Variants in SLC22A23 observed in about 807,000 individuals in gnomAD.
The protein encoded by SLC22A23 is ion transporter protein.
In SLC22A23, 26 loss-of-function variants were observed where a neutral mutation model predicts 61.0. That is an observed-to-expected ratio of 0.43 (90% CI 0.31 to 0.59). The LOEUF (loss-of-function observed/expected upper bound fraction) is 0.59, where lower values mean the gene tolerates loss of function less well. Ranked by LOEUF, SLC22A23 falls within the 20% of genes least tolerant of loss-of-function variation. SLC22A23 has a pLI of 0.11. For missense variants in SLC22A23, 796 were observed against 934.7 expected, an observed-to-expected ratio of 0.85 and a Z score of 1.94; for synonymous variants, 430 against 413.9, an observed-to-expected ratio of 1.04 and a Z score of -0.47.
chr6:3,358,559 C>G (rs532585739), intron 3 of SLC22A23, among the ~76,000 whole-genome samples: 1 of 151,772 alleles, frequency 6.6e-6, no homozygotes, highest in Non-Finnish European at 1.5e-5. Context: ...TGATGGTTGC[C>G]GGGGGTAGAG....
At chr6:3,455,386 C>CA (rs1772345862) in intron 1 of SLC22A23, among the ~76,000 whole-genome samples, 1 of 152,214 alleles carries the variant, frequency 6.6e-6, no homozygotes, top group Non-Finnish European at 1.5e-5. Context: ...AGCCTAAAGT[C>CA]AGATATCTTT....
intron 9 of SLC22A23, chr6:3,283,534 A>C: frequency 5.6e-6 from 2 of 357,906 alleles, no homozygotes; most frequent in Non-Finnish European, 1.1e-5. Context: ...TTCTGGTGGA[A>C]GTGCGGCATA....
At chr6:3,313,016 C>T (rs1040714518) in intron 4 of SLC22A23, 16 of 152,174 alleles carry the variant, frequency 1.1e-4, no homozygotes, top group African/African-American at 3.6e-4. Context: ...AAGGCTGGCC[C>T]CCGGGACAGC....
At chr6:3,392,379 T>G (rs998547172) in intron 3 of SLC22A23, among the ~76,000 whole-genome samples, 1 of 152,232 alleles carries the variant, frequency 6.6e-6, no homozygotes, top group East Asian at 1.9e-4. Context: ...AAATCCCTGT[T>G]GTTCTGGTTT....
At chr6:3,283,393 T>C (rs1308597351) in intron 9 of SLC22A23, 1 of 228,832 alleles carries the variant, frequency 4.4e-6, no homozygotes, top group African/African-American at 2.3e-5. Context: ...GATCATGCCA[T>C]TGTACTCCAG....
chr6:3,374,353 T>G (rs2127466682), intron 3 of SLC22A23, among the ~76,000 whole-genome samples: 1 of 152,252 alleles, frequency 6.6e-6, no homozygotes, highest in African/African-American at 2.4e-5. Context: ...GAATAACCAC[T>G]GGGGACTGGG....
At chr6:3,359,744 C>G (rs1765320729) in intron 3 of SLC22A23, among the ~76,000 whole-genome samples, 1 of 152,150 alleles carries the variant, frequency 6.6e-6, no homozygotes, top group African/African-American at 2.4e-5. Flanking sequence ...ATGATATTTG[C>G]ACACCTATGT....
intron 6 of SLC22A23, among the ~76,000 whole-genome samples, chr6:3,289,278 G>A (rs1760341675): frequency 6.6e-6 from 1 of 152,240 alleles, no homozygotes; most frequent in Admixed American, 6.5e-5. Flanking sequence ...GAGGGCCCTG[G>A]GAGGAGGTCT....
In SLC22A23 at chr6:3,360,216, C is replaced by T. The variant is rs952108837; in HGVS notation, c.914-36214G>A. The stretch of plus-strand genomic sequence containing the variant: ...GTGTAAAAATGTGAATTACTTAATG[C>T]CACTGAATGGTACAATTAAAAGTAG... On this transcript the variant is annotated intron_variant, in intron 3 of 9. Coordinates refer to ENST00000406686, the MANE Select transcript of SLC22A23 (RefSeq NM_015482.2). The surrounding 1 kb of genome is among the most constrained non-coding windows in gnomAD (Gnocchi z 4.6). Among the ~76,000 whole-genome samples the T allele has an allele frequency of 6.6e-6, 1 of 152,126 alleles. No homozygotes were observed. Among genetic ancestry groups the T allele is most frequent in the Admixed American group, 6.6e-5 (1 of 15,266 alleles).
intron 3 of SLC22A23, among the ~76,000 whole-genome samples, chr6:3,358,424 A>C (rs890674957): frequency 4.6e-5 from 7 of 152,216 alleles, no homozygotes; most frequent in Admixed American, 1.3e-4. Flanking sequence ...CACGTACGAC[A>C]CGTGGATGAA....
chr6:3,391,966 T>G (rs1282976490), intron 3 of SLC22A23, among the ~76,000 whole-genome samples: 135 of 152,130 alleles, frequency 8.9e-4, no homozygotes, highest in African/African-American at 3.1e-3. Context: ...CAGTGCAAGA[T>G]CAAAGGGCCA....
Position 3,272,916 on chromosome 6 carries a change from CAG to C in SLC22A23, c.*137_*138del. 16 of 752,974 alleles carry C rather than the reference CAG, an allele frequency of 2.1e-5. No individual in the cohort carries two copies. Among genetic ancestry groups the C allele is most frequent in the Non-Finnish European group, 3.4e-5 (16 of 476,154 alleles). The allele number at this position is 752,974 out of a possible 1,614,324, so 46.6% of individuals were successfully genotyped here. A position where few individuals can be genotyped will look rare whatever the true frequency, so the allele number is the denominator to read the frequency against. ...CGCGCTCCTTGGACTTTTGGAAAGACAGGATTTCCCCACACCAGTTGAGAGGC... is the reference window on the plus strand; with the variant it reads ...CGCGCTCCTTGGACTTTTGGAAAGACGATTTCCCCACACCAGTTGAGAGGC... On this transcript the variant is annotated 3_prime_UTR_variant, in exon 10 of 10. Coordinates refer to ENST00000406686, the MANE Select transcript of SLC22A23 (RefSeq NM_015482.2).
At chr6:3,378,657 CTTTTTTTT>C (rs574704294) in intron 3 of SLC22A23, among the ~76,000 whole-genome samples, 9,585 of 119,134 alleles carry the variant, frequency 0.08, 643 homozygotes, top group African/African-American at 0.21. Context: ...TTTCTTTTTT[CTTTTTTTT>C]TTTTTTTTTG....
chr6:3,357,683 A>G (rs1171600920), intron 3 of SLC22A23, among the ~76,000 whole-genome samples: 1 of 152,230 alleles, frequency 6.6e-6, no homozygotes, highest in Non-Finnish European at 1.5e-5. Context: ...ATGACAAATA[A>G]TGGAAAACAG....
chr6:3,279,793 C>A (rs1335436047), intron 9 of SLC22A23, among the ~76,000 whole-genome samples: 1 of 152,100 alleles, frequency 6.6e-6, no homozygotes, highest in East Asian at 1.9e-4. Context: ...GGACAGAGAA[C>A]CGAGGGCGCA....
intron 5 of SLC22A23, among the ~76,000 whole-genome samples, chr6:3,296,908 G>T (rs1761151385): frequency 6.6e-6 from 1 of 152,150 alleles, no homozygotes; most frequent in Non-Finnish European, 1.5e-5. Flanking sequence ...TCTGATTTGG[G>T]GTTCCCGTGC....
At chr6:3,446,893 G>C (rs1771922452) in intron 1 of SLC22A23, among the ~76,000 whole-genome samples, 1 of 152,080 alleles carries the variant, frequency 6.6e-6, no homozygotes, top group Admixed American at 6.5e-5. Context: ...CATCTCCCTG[G>C]TATCTCCCGA....
chr6:3,433,433 C>T (rs1770998489), intron 1 of SLC22A23, among the ~76,000 whole-genome samples: 1 of 152,100 alleles, frequency 6.6e-6, no homozygotes, highest in African/African-American at 2.4e-5. Context: ...CCCCACACTC[C>T]TCCCATCACT....
At chr6:3,439,478 G>T in intron 1 of SLC22A23, 1 of 290,370 alleles carries the variant, frequency 3.4e-6, no homozygotes, top group Non-Finnish European at 6.8e-6. Context: ...AACAGCAGTG[G>T]TTTAAAGACA....
Sources: allele counts gnomAD v4.1 joint callset (sites outside exome capture counted in the v4.1 genomes callset), GRCh38; gene constraint gnomAD v4.1.1; non-coding constraint Gnocchi (gnomAD v3.1); transcripts MANE v1.5; gene names NCBI Gene and HGNC (gene_info 2026-07-23, HGNC 2026-07-21).